Variants in FAM13A observed in about 807,000 individuals in gnomAD.
FAM13A encodes protein FAM13A.
In FAM13A, 76 loss-of-function variants were observed where a neutral mutation model predicts 129.6. The ratio of observed to expected loss-of-function variants is 0.59; its 90% CI spans 0.49 to 0.71. The LOEUF (loss-of-function observed/expected upper bound fraction) is 0.71. Among genes scored for constraint, FAM13A ranks in the 30% least tolerant of loss-of-function variants. The pLI is 0.00. For synonymous variants in FAM13A, 443 were observed against 449.9 expected, an observed-to-expected ratio of 0.98 and a Z score of 0.20; for missense variants, 1,108 against 1,249.3, an observed-to-expected ratio of 0.89 and a Z score of 1.70.
At chr4:88,826,546 T>A (rs1020333863) in intron 7 of FAM13A, among the ~76,000 whole-genome samples, 2 of 152,246 alleles carry the variant, frequency 1.3e-5, no homozygotes, top group Non-Finnish European at 2.9e-5. Flanking sequence ...ACAACCTTTT[T>A]TATTATCTTT....
chr4:88,899,057 GGT>G (rs556365027), intron 6 of FAM13A, among the ~76,000 whole-genome samples: 67 of 151,232 alleles, frequency 4.4e-4, no homozygotes, highest in Middle Eastern at 3.4e-3. Context: ...AAGAAACTGT[GGT>G]GTGTGTGTGT....
chr4:88,957,328 CAA>C (rs60306324), intron 4 of FAM13A, among the ~76,000 whole-genome samples: 2 of 144,646 alleles, frequency 1.4e-5, no homozygotes, highest in Non-Finnish European at 3.0e-5. Context: ...GACTCTGTCT[CAA>C]AAAAAAAAAG....
At chr4:88,842,567 A>G (rs17014661) in intron 7 of FAM13A, among the ~76,000 whole-genome samples, 10,676 of 152,304 alleles carry the variant, frequency 0.07, 533 homozygotes, top group African/African-American at 0.14. Context: ...ATCTAACAAT[A>G]CACTCCACAC....
chr4:88,902,797 T>C (rs771297776), intron 6 of FAM13A, among the ~76,000 whole-genome samples: 2 of 152,126 alleles, frequency 1.3e-5, no homozygotes, highest in African/African-American at 2.4e-5. Context: ...CGTATTCAAA[T>C]AGCAAGAGAG....
At chr4:88,856,193 G>A (rs919420543) in intron 6 of FAM13A, among the ~76,000 whole-genome samples, 1 of 152,082 alleles carries the variant, frequency 6.6e-6, no homozygotes, top group African/African-American at 2.4e-5. Context: ...AAAACTCTAA[G>A]TGTGGACCGG....
chr4:88,944,890 C>T (rs748967751), intron 4 of FAM13A, among the ~76,000 whole-genome samples: 6 of 142,850 alleles, frequency 4.2e-5, no homozygotes, highest in Non-Finnish European at 6.2e-5. Flanking sequence ...GCAACAAGAG[C>T]GAAACTCTGT....
chr4:88,785,505 C>T (rs1300126938), intron 10 of FAM13A, among the ~76,000 whole-genome samples: 2 of 151,934 alleles, frequency 1.3e-5, no homozygotes, highest in Non-Finnish European at 2.9e-5. Context: ...AAATCTAAGA[C>T]CAAAGAGGAG....
chr4:88,908,481 T>C (rs984069181), intron 5 of FAM13A, among the ~76,000 whole-genome samples: 1 of 152,206 alleles, frequency 6.6e-6, no homozygotes, highest in Non-Finnish European at 1.5e-5. Flanking sequence ...TGTTTACAAA[T>C]GCCTATAATT....
At chr4:88,928,916 G>T (rs1328338691) in intron 5 of FAM13A, among the ~76,000 whole-genome samples, 1 of 152,040 alleles carries the variant, frequency 6.6e-6, no homozygotes, top group Non-Finnish European at 1.5e-5. Context: ...GTGGTTTGAT[G>T]AAATTATCAT....
At chr4:89,006,859 C>T (rs1413267145) in intron 3 of FAM13A, among the ~76,000 whole-genome samples, 1 of 152,160 alleles carries the variant, frequency 6.6e-6, no homozygotes, top group African/African-American at 2.4e-5. Context: ...CAGCTGGGCT[C>T]CCTTCTGAAG....
intron 5 of FAM13A, among the ~76,000 whole-genome samples, chr4:88,920,012 G>A (rs1251308843): frequency 1.3e-5 from 2 of 152,240 alleles, no homozygotes; most frequent in Admixed American, 6.5e-5. Context: ...GCCTGCCATT[G>A]CCCAGGCTTG....
chr4:88,898,354 T>C (rs1746698442), intron 6 of FAM13A, among the ~76,000 whole-genome samples: 1 of 152,170 alleles, frequency 6.6e-6, no homozygotes, highest in Non-Finnish European at 1.5e-5. Flanking sequence ...ACCAAATTTC[T>C]ACTATACATT....
At chr4:88,818,842 A>G (rs1731331265) in intron 7 of FAM13A, among the ~76,000 whole-genome samples, 1 of 152,222 alleles carries the variant, frequency 6.6e-6, no homozygotes, top group Non-Finnish European at 1.5e-5. Context: ...CATCTCCACG[A>G]GCAGCAGAGG....
In FAM13A at chr4:88,893,642, G is replaced by GAATGAATAAATA. The variant is rs1352073900; in HGVS notation, c.843+12736_843+12737insTATTTATTCATT. Among the ~76,000 whole-genome samples the GAATGAATAAATA allele has an allele frequency of 2.6e-3, 328 of 126,218 alleles. 2 individuals are homozygous for GAATGAATAAATA. The highest frequency in any genetic ancestry group is 8.0e-3 in the African/African-American group (262 of 32,888). The allele number at this position is 126,218 out of a possible 152,430, so 82.8% of individuals were successfully genotyped here. A position where few individuals can be genotyped will look rare whatever the true frequency, so the allele number is the denominator to read the frequency against. On this transcript the variant is annotated intron_variant, in intron 6 of 23. Coordinates refer to ENST00000264344, the MANE Select transcript of FAM13A (RefSeq NM_014883.4). ...TGTCTCAATGAATGAATGAATGAATGAATAAATAAATAAATAAATAAATAA... is the reference window on the plus strand; with the variant it reads ...TGTCTCAATGAATGAATGAATGAATGAATGAATAAATAAATAAATAAATAAATAAATAAATAA...
At chr4:88,872,704 C>G (rs2150082810) in intron 6 of FAM13A, among the ~76,000 whole-genome samples, 1 of 152,180 alleles carries the variant, frequency 6.6e-6, no homozygotes, top group South Asian at 2.1e-4. Context: ...TTTTAACAAC[C>G]CACTGTCAAT....
intron 7 of FAM13A, among the ~76,000 whole-genome samples, chr4:88,846,215 A>T (rs1228527065): frequency 6.6e-6 from 1 of 152,230 alleles, no homozygotes; most frequent in African/African-American, 2.4e-5. Flanking sequence ...AGCTTGTCTT[A>T]ATCCCAGTAG....
intron 5 of FAM13A, among the ~76,000 whole-genome samples, chr4:88,925,212 C>T (rs533158886): frequency 2.6e-5 from 4 of 152,164 alleles, no homozygotes; most frequent in Non-Finnish European, 4.4e-5. Context: ...TGGGTATATA[C>T]TCAATGGACT....
intron 9 of FAM13A, among the ~76,000 whole-genome samples, chr4:88,788,512 A>T (rs1030346545): frequency 2.1e-4 from 32 of 152,190 alleles, no homozygotes; most frequent in African/African-American, 7.5e-4. Context: ...TTAAATTGTG[A>T]TGTTTATAAT....
At chr4:88,775,742 A>G (rs1721585990) in intron 11 of FAM13A, among the ~76,000 whole-genome samples, 1 of 152,138 alleles carries the variant, frequency 6.6e-6, no homozygotes, top group Non-Finnish European at 1.5e-5. Flanking sequence ...ACAAGTACAG[A>G]CTGTTCAACA....
Sources: allele counts gnomAD v4.1 joint callset (sites outside exome capture counted in the v4.1 genomes callset), GRCh38; gene constraint gnomAD v4.1.1; transcripts MANE v1.5; gene names NCBI Gene and HGNC (gene_info 2026-07-23, HGNC 2026-07-21).